Variants in SPEM1 observed in about 807,000 individuals in gnomAD.
SPEM1 encodes spermatid maturation 1, also known as spermatid maturation protein 1.
In SPEM1, 10 loss-of-function variants were observed where a neutral mutation model predicts 9.0. The ratio of observed to expected loss-of-function variants is 1.11; its 90% CI spans 0.68 to 1.88. The LOEUF (loss-of-function observed/expected upper bound fraction) is 1.88, where lower values mean the gene tolerates loss of function less well. SPEM1 is among the 40% of genes most tolerant of loss of function. SPEM1 has a pLI of 0.00. For synonymous variants in SPEM1, 175 were observed against 157.8 expected (o/e 1.11, Z -0.82); for missense variants, 401 against 408.6 (o/e 0.98, Z 0.16).
chr17:7,420,643 G>A lies in SPEM1; in HGVS notation c.161G>A (p.Arg54His), dbSNP rs369862350. 81 of 1,614,012 alleles carry A rather than the reference G, an allele frequency of 5.0e-5. No homozygotes were observed. The highest frequency in any genetic ancestry group is 3.3e-4 in the African/African-American group (25 of 74,912). Residue 54 changes from arginine to histidine, a missense_variant, in exon 2 of 3, where the codon CGT (arginine) becomes CAT (histidine). By Grantham distance (29) the Arg-to-His change is conservative. Transcript: ENST00000323675. The stretch of plus-strand genomic sequence containing the variant: ...CCCACCTAGCTCTGGAGCCGATTCC[G>A]TGGTGTCTTATACCAAGTGTTCCAT... The part of the protein sequence containing the change: ...NIVTLLWSRF[R>H]GVLYQVFHDT...
At position 7,421,150 on chromosome 17, in the gene SPEM1, C is replaced by T. The variant is rs773723031; in HGVS notation, c.475C>T (p.His159Tyr). 3 of 1,613,990 alleles carry T rather than the reference C, an allele frequency of 1.9e-6. No homozygotes were observed. In the East Asian group the frequency reaches 6.7e-5, roughly 36 times the overall value. ...CCCTGAGGACTGGGAAGGCTTCCAACACACTCAGGGGACCTGGGTTCCCTG... is the reference window on the plus strand; with the variant it reads ...CCCTGAGGACTGGGAAGGCTTCCAATACACTCAGGGGACCTGGGTTCCCTG... ...DVPEDWEGFQHTQGTWVPWSQ... is the reference protein window; with the variant it reads ...DVPEDWEGFQYTQGTWVPWSQ... Residue 159 changes from histidine (H) to tyrosine (Y), a missense_variant, in exon 3 of 3, where the codon CAC becomes TAC. Coordinates refer to ENST00000323675, the MANE Select transcript of SPEM1 (RefSeq NM_199339.3). This position sits in a 1 kb window ranked among gnomAD's most constrained non-coding sequence, Gnocchi z 4.8.
Position 7,421,557 on chromosome 17 carries a change from C to T in SPEM1, c.882C>T (p.Ala294=), listed in dbSNP as rs766720018. ...CYPLASGSST[A]EETSKNWVYR... is the part of the protein sequence containing the mutation. ...CCCTAGCCTCTGGATCCAGCACTGCCGAGGAGACAAGCAAGAATTGGGTGT... is the reference window on the plus strand; with the variant it reads ...CCCTAGCCTCTGGATCCAGCACTGCTGAGGAGACAAGCAAGAATTGGGTGT... The change falls in exon 3 of 3, where the codon GCC becomes GCT. Residue 294 remains alanine (A), a synonymous_variant. Transcript: ENST00000323675. This position sits in a 1 kb window ranked among gnomAD's most constrained non-coding sequence, Gnocchi z 4.8. 26 of 1,542,398 alleles carry T rather than the reference C, an allele frequency of 1.7e-5. No individual in the cohort carries two copies. The highest frequency in any genetic ancestry group is 6.8e-5 in the East Asian group (3 of 44,170).
intron 2 of SPEM1, 52 bp downstream of exon 2, chr17:7,420,739 G>A (rs745547855): frequency 1.2e-6 from 2 of 1,609,664 alleles, no homozygotes; most frequent in South Asian, 1.1e-5. Context: ...AAGTGCTCTA[G>A]CCTCAGCCCT....
chr17:7,420,403 C>A lies in SPEM1; in HGVS notation c.19C>A (p.Pro7Thr). Reference sequence around the variant, plus strand: ...GGACCCCATGGCCATGGTTGAGCGGCCGAGGCCCGAGTGGGCCTCGTATCA... The same window carrying A: ...GGACCCCATGGCCATGGTTGAGCGGACGAGGCCCGAGTGGGCCTCGTATCA... Reference protein sequence around the residue: MAMVERPRPEWASYHNC... With the variant: MAMVERTRPEWASYHNC... Residue 7 changes from proline to threonine, a missense_variant, in exon 1 of 3, where the codon CCG becomes ACG. Transcript: ENST00000323675. 1 of 1,552,120 alleles carries A rather than the reference C, an allele frequency of 6.4e-7. No homozygotes were observed. Among genetic ancestry groups the A allele is most frequent in the Non-Finnish European group, 8.7e-7 (1 of 1,148,296 alleles).
chr17:7,420,457 C>T lies in SPEM1; in HGVS notation c.73C>T (p.Leu25=). The T allele has an allele frequency of 6.2e-7, 1 of 1,604,630 alleles. No homozygotes were observed. Among genetic ancestry groups the T allele is most frequent in the Non-Finnish European group, 8.5e-7 (1 of 1,175,732 alleles). Residue 25 remains leucine (L), a synonymous_variant, in exon 1 of 3, where the codon CTG becomes TTG. Coordinates refer to ENST00000323675, the MANE Select transcript of SPEM1 (RefSeq NM_199339.3). ...CTGCAACAGCAACAGCTGCCAGGACCTGGGCAACTCTGTCCTGTTGCTGCT... is the reference window on the plus strand; with the variant it reads ...CTGCAACAGCAACAGCTGCCAGGACTTGGGCAACTCTGTCCTGTTGCTGCT... ...HNCNSNSCQD[L]GNSVLLLLGL...
In SPEM1 at chr17:7,420,427, C is replaced by T. The variant is rs1373850971; in HGVS notation, c.43C>T (p.His15Tyr). ...GCCGAGGCCCGAGTGGGCCTCGTAT[C>T]ACAACTGCAACAGCAACAGCTGCCA... ...ERPRPEWASY[H>Y]NCNSNSCQDL... The change falls in exon 1 of 3, where the codon CAC (histidine) becomes TAC (tyrosine). Residue 15 changes from histidine to tyrosine, a missense_variant. By Grantham distance (83) the His-to-Tyr change is moderately conservative. Coordinates refer to ENST00000323675, the MANE Select transcript of SPEM1 (RefSeq NM_199339.3). 1.3e-6 allele frequency: 2 copies of T among 1,587,074 alleles called. No individual in the cohort carries two copies. The highest frequency in any genetic ancestry group is 1.7e-6 in the Non-Finnish European group (2 of 1,166,738).
chr17:7,420,649 T>A lies in SPEM1; in HGVS notation c.167T>A (p.Val56Asp). The change falls in exon 2 of 3, where the codon GTC becomes GAC. Residue 56 changes from valine to aspartate, a missense_variant. Physicochemically the swap from Val to Asp is radical, Grantham distance 152. Coordinates refer to ENST00000323675, the MANE Select transcript of SPEM1 (RefSeq NM_199339.3). ...TAGCTCTGGAGCCGATTCCGTGGTGTCTTATACCAAGTGTTCCATGATACC... is the reference window on the plus strand; with the variant it reads ...TAGCTCTGGAGCCGATTCCGTGGTGACTTATACCAAGTGTTCCATGATACC... The part of the protein sequence containing the change: ...VTLLWSRFRG[V>D]LYQVFHDTIC... The A allele has an allele frequency of 6.2e-7, 1 of 1,614,102 alleles. No homozygotes were observed.
chr17:7,420,716 A>AT, intron 2 of SPEM1, 29 bp downstream of exon 2: 10 of 1,612,618 alleles, frequency 6.2e-6, no homozygotes, highest in Non-Finnish European at 8.5e-6. Context: ...GGGACATAGG[A>AT]GGGGCAGAAA....
At position 7,421,239 on chromosome 17, in the gene SPEM1, G is replaced by C; in HGVS notation, c.564G>C (p.Arg188Ser). 3 of 1,614,092 alleles carry C rather than the reference G, an allele frequency of 1.9e-6. No individual in the cohort carries two copies. Among genetic ancestry groups the C allele is most frequent in the Non-Finnish European group, 1.7e-6 (2 of 1,180,016 alleles). ...TIRFQPTVEE[R>S]PLKTGIWSEL... The stretch of plus-strand genomic sequence containing the variant: ...GCTTCCAGCCTACCGTAGAGGAAAG[G>C]CCCCTCAAAACAGGCATATGGTCCG... The change falls in exon 3 of 3, where the codon AGG becomes AGC. Residue 188 changes from arginine (R) to serine (S), a missense_variant. Physicochemically the swap from Arg to Ser is moderately radical, Grantham distance 110 (BLOSUM62 -1). Transcript: ENST00000323675. The surrounding 1 kb of genome is among the most constrained non-coding windows in gnomAD (Gnocchi z 4.8).
Position 7,421,371 on chromosome 17 carries a change from G to A in SPEM1, c.696G>A (p.Ala232=), listed in dbSNP as rs377193573. The A allele has an allele frequency of 1.0e-4, 164 of 1,612,396 alleles. 1 individual carries two copies. In the African/African-American group the frequency reaches 1.6e-3, roughly 16 times the overall value. ...AGGGGGCGGTGCCAGAGGCAGAGGC[G>A]GCTCAGTACCAGCCTGTCCCAGCTC... ...GGEGAVPEAE[A]AQYQPVPAPT... Residue 232 remains alanine, a synonymous_variant, in exon 3 of 3, where the codon GCG becomes GCA. Transcript: ENST00000323675. This position sits in a 1 kb window ranked among gnomAD's most constrained non-coding sequence, Gnocchi z 4.8.
chr17:7,420,646 G>T lies in SPEM1; in HGVS notation c.164G>T (p.Gly55Val). 1 of 1,614,136 alleles carries T rather than the reference G, an allele frequency of 6.2e-7. No individual in the cohort carries two copies. The highest frequency in any genetic ancestry group is 8.5e-7 in the Non-Finnish European group (1 of 1,180,006). The change falls in exon 2 of 3, where the codon GGT (glycine) becomes GTT (valine). Residue 55 changes from glycine to valine, a missense_variant. Gly to Val is a moderately radical substitution (Grantham distance 109, BLOSUM62 -3). Coordinates refer to ENST00000323675, the MANE Select transcript of SPEM1 (RefSeq NM_199339.3). ...IVTLLWSRFR[G>V]VLYQVFHDTI... ...ACCTAGCTCTGGAGCCGATTCCGTG[G>T]TGTCTTATACCAAGTGTTCCATGAT...
At position 7,421,164 on chromosome 17, in the gene SPEM1, C is replaced by G. The variant is rs1369161556; in HGVS notation, c.489C>G (p.Thr163=). 6.2e-7 allele frequency: 1 copy of G among 1,613,896 alleles called. No individual in the cohort carries two copies. Among genetic ancestry groups the G allele is most frequent in the South Asian group, 1.1e-5 (1 of 91,066 alleles). The change falls in exon 3 of 3, where the codon ACC becomes ACG. Residue 163 remains threonine (T), a synonymous_variant. Coordinates refer to ENST00000323675, the MANE Select transcript of SPEM1 (RefSeq NM_199339.3). This position sits in a 1 kb window ranked among gnomAD's most constrained non-coding sequence, Gnocchi z 4.8. ...DWEGFQHTQG[T]WVPWSQDAPE... ...AAGGCTTCCAACACACTCAGGGGAC[C>G]TGGGTTCCCTGGTCTCAGGATGCCC...
rs1045902334 is a variant in SPEM1, at chr17:7,420,331, A to G, written c.-54A>G. On this transcript the variant is annotated 5_prime_UTR_variant, in exon 1 of 3. Coordinates refer to ENST00000323675, the MANE Select transcript of SPEM1 (RefSeq NM_199339.3). ...AGGGACAGGCAGGCAGTCAGTGGAC[A>G]CTGTCGGCACGGTGGGCTGGGGGCG... 2.7e-6 allele frequency: 4 copies of G among 1,460,944 alleles called. No individual in the cohort carries two copies. The highest frequency in any genetic ancestry group is 2.9e-5 in the South Asian group (2 of 68,970). 90.5% of individuals were successfully genotyped at this position (1,460,944 alleles called of 1,614,324 possible). A position where few individuals can be genotyped will look rare whatever the true frequency, so the allele number is the denominator to read the frequency against.
In SPEM1 at chr17:7,420,540, G is replaced by A; in HGVS notation, c.144+12G>A. 2.5e-6 allele frequency: 4 copies of A among 1,613,560 alleles called. No homozygotes were observed. The African/African-American group carries it at 4.0e-5, about 16-fold the overall frequency. ...ATATAGTGACCCTGGTCAGGGTGGG[G>A]CCAGATGGGAGGGAGCTGGTGGGAT... On this transcript the variant is annotated intron_variant, in intron 1 of 2. Coordinates refer to ENST00000323675, the MANE Select transcript of SPEM1 (RefSeq NM_199339.3).
Position 7,421,454 on chromosome 17 carries a change from T to C in SPEM1, c.779T>C (p.Ile260Thr). The change falls in exon 3 of 3, where the codon ATA (isoleucine) becomes ACA (threonine). Residue 260 changes from isoleucine to threonine, a missense_variant. Transcript: ENST00000323675. The surrounding 1 kb of genome is among the most constrained non-coding windows in gnomAD (Gnocchi z 4.8). ...EFSRHRSSGR[I>T]VYDARDMRRR... is the part of the protein sequence containing the mutation. ...TCCCGGCACCGCTCCTCAGGCCGAATAGTGTATGATGCCCGGGACATGAGA... is the reference window on the plus strand; with the variant it reads ...TCCCGGCACCGCTCCTCAGGCCGAACAGTGTATGATGCCCGGGACATGAGA... 1 of 1,612,410 alleles carries C rather than the reference T, an allele frequency of 6.2e-7. No homozygotes were observed. The highest frequency in any genetic ancestry group is 8.5e-7 in the Non-Finnish European group (1 of 1,179,238).
rs758881722 is a variant in SPEM1 at position 7,421,401 on chromosome 17, C to T, written c.726C>T (p.Thr242=). Residue 242 remains threonine, a synonymous_variant, in exon 3 of 3, where the codon ACC becomes ACT. Transcript: ENST00000323675. The surrounding 1 kb of genome is among the most constrained non-coding windows in gnomAD (Gnocchi z 4.8). ...AGTACCAGCCTGTCCCAGCTCCCAC[C>T]CTGGGCCCAGCAGTCATCCCTGAAT... ...AAQYQPVPAP[T]LGPAVIPEFS... 9 of 1,607,528 alleles carry T rather than the reference C, an allele frequency of 5.6e-6. No homozygotes were observed. Among genetic ancestry groups the T allele is most frequent in the Non-Finnish European group, 7.7e-6 (9 of 1,175,606 alleles).
chr17:7,421,387 G>A lies in SPEM1; in HGVS notation c.712G>A (p.Val238Ile). ...GGCAGAGGCGGCTCAGTACCAGCCT[G>A]TCCCAGCTCCCACCCTGGGCCCAGC... is the stretch of plus-strand genomic sequence containing the variant. The part of the protein sequence containing the change: ...PEAEAAQYQP[V>I]PAPTLGPAVI... Residue 238 changes from valine to isoleucine, a missense_variant, in exon 3 of 3, where the codon GTC (valine) becomes ATC (isoleucine). Physicochemically the swap from Val to Ile is conservative, Grantham distance 29. Coordinates refer to ENST00000323675, the MANE Select transcript of SPEM1 (RefSeq NM_199339.3). The surrounding 1 kb of genome is among the most constrained non-coding windows in gnomAD (Gnocchi z 4.8). The A allele has an allele frequency of 3.1e-6, 5 of 1,608,622 alleles. No homozygotes were observed. The highest frequency in any genetic ancestry group is 4.3e-6 in the Non-Finnish European group (5 of 1,176,392).
chr17:7,421,064 CT>C lies in SPEM1; in HGVS notation c.390del (p.Asp131ThrfsTer55). Reference protein sequence around the residue: ...RCAHCPVAWAPDTDDEKPHQY... With the variant: ...RCAHCPVAWAXDTDDEKPHQY... The stretch of plus-strand genomic sequence containing the variant: ...GCTCACTGCCCAGTAGCTTGGGCTC[CT>C]GACACTGATGACGAGAAGCCTCATC... On this transcript the variant is annotated frameshift_variant, in exon 3 of 3. Coordinates refer to ENST00000323675, the MANE Select transcript of SPEM1 (RefSeq NM_199339.3). LOFTEE classifies it low-confidence loss of function (END_TRUNC). This position sits in a 1 kb window ranked among gnomAD's most constrained non-coding sequence, Gnocchi z 4.8. 6.2e-7 allele frequency: 1 copy of C among 1,614,164 alleles called. No individual in the cohort carries two copies. The highest frequency in any genetic ancestry group is 8.5e-7 in the Non-Finnish European group (1 of 1,180,032).
rs374188096 is a variant in SPEM1, at chr17:7,420,336, C to T, written c.-49C>T. On this transcript the variant is annotated 5_prime_UTR_variant, in exon 1 of 3. Transcript: ENST00000323675. ...CAGGCAGGCAGTCAGTGGACACTGT[C>T]GGCACGGTGGGCTGGGGGCGTAAGG... 2.1e-5 allele frequency: 31 copies of T among 1,463,952 alleles called. No individual in the cohort carries two copies. Among genetic ancestry groups the T allele is most frequent in the Middle Eastern group, 2.5e-4 (1 of 4,012 alleles). 90.7% of individuals were successfully genotyped at this position (1,463,952 alleles called of 1,614,324 possible).
Sources: gnomAD v4.1 joint callset for allele counts on GRCh38, gnomAD v4.1.1 for gene constraint, Gnocchi (gnomAD v3.1) non-coding constraint, MANE v1.5 for transcripts, NCBI Gene and HGNC (gene_info 2026-07-23, HGNC 2026-07-21) for gene names.